L3MBTL1: variants seen among roughly 807,000 people sequenced by gnomAD.
L3MBTL1 encodes the protein L3MBTL histone methyl-lysine binding protein 1.
Under a neutral mutation model 105.3 loss-of-function variants are expected in L3MBTL1, and 75 were observed. The ratio of observed to expected loss-of-function variants is 0.71; its 90% CI spans 0.59 to 0.86. L3MBTL1 has a LOEUF of 0.86. Ranked by LOEUF, L3MBTL1 falls within the 40% of genes least tolerant of loss-of-function variation. The pLI is 0.00. For synonymous variants in L3MBTL1, 452 were observed against 436.2 expected (o/e 1.04, Z -0.45); for missense variants, 1,069 against 1,126.4 (o/e 0.95, Z 0.73).
At chr20:43,542,833 G>A (rs753034209), downstream of L3MBTL1, among the ~76,000 whole-genome samples, 4 of 152,082 alleles carry the variant, frequency 2.6e-5, no homozygotes, top group Non-Finnish European at 4.4e-5. Flanking sequence ...TGTTTTTGAG[G>A]CTTCTCCACG....
intron 7 of L3MBTL1, among the ~76,000 whole-genome samples, chr20:43,527,545 A>G (rs2019096504): frequency 6.9e-6 from 1 of 145,208 alleles, no homozygotes; most frequent in Admixed American, 6.8e-5. Flanking sequence ...ACCATAGTGT[A>G]TGTGTGTTAG....
In L3MBTL1 at chr20:43,515,499, T is replaced by C. The variant is rs1216688571; in HGVS notation, c.777+84T>C. ...CTGTCCCCTCCATCAATCCAGATTA[T>C]GGAGCTGGGCCAGAGAAGACACGCA... On this transcript the variant is annotated intron_variant, in intron 6 of 21. Transcript: ENST00000418998. The C allele has an allele frequency of 3.3e-6, 5 of 1,495,592 alleles. No homozygotes were observed. In the African/African-American group the frequency reaches 7.0e-5, roughly 21 times the overall value. The allele number at this position is 1,495,592 out of a possible 1,614,324, so 92.6% of individuals were successfully genotyped here. A position where few individuals can be genotyped will look rare whatever the true frequency, so the allele number is the denominator to read the frequency against.
chr20:43,532,323 A>C, intron 11 of L3MBTL1: 1 of 158,796 alleles, frequency 6.3e-6, no homozygotes, highest in Non-Finnish European at 1.4e-5. Flanking sequence ...CAAGGAGGTG[A>C]TGTCTTTTGA....
chr20:43,540,024 T>C, intron 19 of L3MBTL1, 127 bp from the exon 20 acceptor site: 1 of 1,018,102 alleles, frequency 9.8e-7, no homozygotes, highest in South Asian at 1.4e-5. Flanking sequence ...CTCTACAGGC[T>C]GTCAGAAGGG....
At chr20:43,544,475 C>T (rs1978446295), downstream of L3MBTL1, among the ~76,000 whole-genome samples, 1 of 152,190 alleles carries the variant, frequency 6.6e-6, no homozygotes. Context: ...ACTCCCCATA[C>T]CCACCAGCAC....
chr20:43,526,570 A>C (rs868228995), intron 7 of L3MBTL1, among the ~76,000 whole-genome samples: 1 of 152,240 alleles, frequency 6.6e-6, no homozygotes, highest in African/African-American at 2.4e-5. Context: ...TGCTTGATCC[A>C]TTGATGAACA....
chr20:43,517,921 A>C (rs1049491201), intron 7 of L3MBTL1, among the ~76,000 whole-genome samples: 2 of 152,212 alleles, frequency 1.3e-5, no homozygotes, highest in African/African-American at 4.8e-5. Context: ...CATGGTATTC[A>C]TATCAGAAGG....
chr20:43,523,863 C>T (rs189218168), intron 7 of L3MBTL1, among the ~76,000 whole-genome samples: 79 of 152,004 alleles, frequency 5.2e-4, no homozygotes, highest in Admixed American at 1.6e-3. Context: ...GGTGTGGTGG[C>T]GCATACCTGT....
chr20:43,549,149 T>C (rs1181903220), exon 19 of L3MBTL1: 2 of 152,248 alleles, frequency 1.3e-5, no homozygotes, highest in Admixed American at 1.3e-4. Context: ...CAATCTCGGG[T>C]CTTTGGCCAG....
chr20:43,515,245 G>T (rs1189901780), intron 5 of L3MBTL1, 47 bp from the exon 6 acceptor site: 1 of 1,612,728 alleles, frequency 6.2e-7, no homozygotes, highest in African/African-American at 1.3e-5. Context: ...GAGGGGCTGG[G>T]TGGTGCAGGG....
rs531426212 is a variant in L3MBTL1, at chr20:43,528,580, G to T, written c.863-77G>T. ...GATTTGTTTTGGGGGTGAAGGTAGA[G>T]CTTGGTCAGGGGAAGCCGAAGAAAG... On this transcript the variant is annotated intron_variant, in intron 7 of 21. Transcript: ENST00000418998. 43 of 1,046,674 alleles carry T rather than the reference G, an allele frequency of 4.1e-5. No individual in the cohort carries two copies. The African/African-American group carries it at 5.5e-4, about 13-fold the overall frequency. 64.8% of individuals were successfully genotyped at this position (1,046,674 alleles called of 1,614,324 possible). A position where few individuals can be genotyped will look rare whatever the true frequency, so the allele number is the denominator to read the frequency against.
intron 1 of L3MBTL1, among the ~76,000 whole-genome samples, chr20:43,512,227 G>C (rs1316844369): frequency 2.0e-5 from 3 of 152,218 alleles, no homozygotes; most frequent in African/African-American, 7.2e-5. Context: ...AAAGAGAGCT[G>C]ATGTTGGCTG....
In L3MBTL1 at chr20:43,530,847, A is replaced by G; in HGVS notation, c.1242A>G (p.Arg414=). The change falls in exon 11 of 22, where the codon AGA becomes AGG. Residue 414 remains arginine, a synonymous_variant. Coordinates refer to ENST00000418998, the MANE Select transcript of L3MBTL1 (RefSeq NM_001377303.1). ...FSWSQYLRST[R]AQAAPKHLFV... ...GGAGCCAGTACCTGCGCAGCACAAG[A>G]GCTCAGGCTGCCCCCAAGCACCTGT... is the stretch of plus-strand genomic sequence containing the variant. 2.5e-6 allele frequency: 4 copies of G among 1,614,062 alleles called. No individual in the cohort carries two copies. In the South Asian group the frequency reaches 4.4e-5, roughly 18 times the overall value.
chr20:43,523,768 C>T (rs914631563), intron 7 of L3MBTL1, among the ~76,000 whole-genome samples: 2 of 151,940 alleles, frequency 1.3e-5, no homozygotes, highest in Non-Finnish European at 2.9e-5. Flanking sequence ...CCAAGGCGGG[C>T]GAATTGCCTG....
At chr20:43,523,792 G>A (rs2018864981) in intron 7 of L3MBTL1, among the ~76,000 whole-genome samples, 1 of 152,122 alleles carries the variant, frequency 6.6e-6, no homozygotes, top group Non-Finnish European at 1.5e-5. Context: ...TCAGGAGTTT[G>A]AGACCAGCCT....
rs2145372818 is a variant in L3MBTL1, at chr20:43,513,990, T to A, written c.289T>A (p.Ser97Thr). 6.5e-7 allele frequency: 1 copy of A among 1,544,552 alleles called. No individual in the cohort carries two copies. The highest frequency in any genetic ancestry group is 8.7e-7 in the Non-Finnish European group (1 of 1,146,870). ...GCAGCTTAGCGCCGGGCCGGCCAGC[T>A]CCAGCACCAGCACAGTGCGGCTTCT... ...LPQLSAGPAS[S>T]STSTVRLLEW... is the part of the protein sequence containing the mutation. The change falls in exon 3 of 22, where the codon TCC (serine) becomes ACC (threonine). Residue 97 changes from serine to threonine, a missense_variant. Coordinates refer to ENST00000418998, the MANE Select transcript of L3MBTL1 (RefSeq NM_001377303.1).
chr20:43,535,881 C>A lies in L3MBTL1; in HGVS notation c.1870C>A (p.Leu624Ile). 1 of 1,612,948 alleles carries A rather than the reference C, an allele frequency of 6.2e-7. No individual in the cohort carries two copies. Among genetic ancestry groups the A allele is most frequent in the Non-Finnish European group, 8.5e-7 (1 of 1,179,492 alleles). ...TGCCTCCCCTGGGGGCTGTCCCCCT[C>A]TCAGCTATAGGAGCCTGCCCCACAC... The part of the protein sequence containing the change: ...SSASPGGCPP[L>I]SYRSLPHTRT... Residue 624 changes from leucine (L) to isoleucine (I), a missense_variant, in exon 17 of 22, where the codon CTC (leucine) becomes ATC (isoleucine). Transcript: ENST00000418998.
chr20:43,526,200 C>T (rs2019023385), intron 7 of L3MBTL1, among the ~76,000 whole-genome samples: 1 of 152,052 alleles, frequency 6.6e-6, no homozygotes, highest in South Asian at 2.1e-4. Context: ...GGTAGTCAGC[C>T]CCTTAGCTGA....
chr20:43,540,993 G>T lies in L3MBTL1; in HGVS notation c.2454G>T (p.Gln818His). 1 of 1,614,204 alleles carries T rather than the reference G, an allele frequency of 6.2e-7. No individual in the cohort carries two copies. Among genetic ancestry groups the T allele is most frequent in the Non-Finnish European group, 8.5e-7 (1 of 1,180,040 alleles). ...SGKTLVWTVA[Q>H]LGDLVCSDHL... ...AGACTCTAGTCTGGACTGTGGCCCA[G>T]CTTGGGGACCTTGTGTGCTCAGATC... Residue 818 changes from glutamine to histidine, a missense_variant, in exon 22 of 22, where the codon CAG (glutamine) becomes CAT (histidine). Transcript: ENST00000418998.
Sources: allele counts gnomAD v4.1 joint callset (sites outside exome capture counted in the v4.1 genomes callset), GRCh38; gene constraint gnomAD v4.1.1; transcripts MANE v1.5; gene names NCBI Gene and HGNC (gene_info 2026-07-23, HGNC 2026-07-21).